PBRM1: variants seen among roughly 807,000 people sequenced by gnomAD.
PBRM1 encodes the protein polybromo 1, also known as protein polybromo-1.
A neutral mutation model predicts 194.5 loss-of-function variants in PBRM1; 27 were observed. The observed-to-expected ratio is 0.14, with a 90% confidence interval of 0.10 to 0.19. The LOEUF is 0.19. PBRM1 is among the 10% of genes least tolerant of loss of function. The pLI, the probability that PBRM1 is intolerant of heterozygous loss-of-function variation, is 1.00. For synonymous variants in PBRM1, 655 were observed against 693.2 expected, an observed-to-expected ratio of 0.94 and a Z score of 0.87; for missense variants, 1,466 against 2,077.2, an observed-to-expected ratio of 0.71 and a Z score of 5.72.
At chr3:52,634,298 G>A (rs555393409) in intron 11 of PBRM1, among the ~76,000 whole-genome samples, 3 of 152,048 alleles carry the variant, frequency 2.0e-5, no homozygotes, top group East Asian at 3.9e-4. Flanking sequence ...TTAACTGGGT[G>A]TGGTGGTGCG....
chr3:52,563,980 C>T, intron 23 of PBRM1, 70 bp downstream of exon 25: 2 of 929,818 alleles, frequency 2.2e-6, no homozygotes, highest in African/African-American at 1.7e-5. Flanking sequence ...AAATTAAAAA[C>T]ACTGGACTAC....
At chr3:52,658,850 G>A (rs2096660753) in intron 4 of PBRM1, among the ~76,000 whole-genome samples, 1 of 152,170 alleles carries the variant, frequency 6.6e-6, no homozygotes, top group Admixed American at 6.6e-5. Context: ...CCTTGTACTA[G>A]GTCCTTCTAC....
intron 22 of PBRM1, among the ~76,000 whole-genome samples, chr3:52,573,031 A>G (rs2087967193): frequency 6.6e-6 from 1 of 152,204 alleles, no homozygotes; most frequent in Admixed American, 6.5e-5. Context: ...GAAGTTACTT[A>G]TATTTCATTA....
upstream of PBRM1, among the ~76,000 whole-genome samples, chr3:52,683,320 G>A (rs2097245517): frequency 6.6e-6 from 1 of 151,598 alleles, no homozygotes; most frequent in South Asian, 2.1e-4. Context: ...GTTGCAGCAA[G>A]CCGAGATCAT....
intron 7 of PBRM1, 81 bp from the exon 9 acceptor site, chr3:52,644,870 C>T: frequency 1.6e-6 from 1 of 609,538 alleles, no homozygotes; most frequent in Admixed American, 2.4e-5. Context: ...CAATGGGCAC[C>T]TTCTATGGCA....
downstream of PBRM1, chr3:52,545,706 C>T (rs2079601809): frequency 4.3e-6 from 1 of 233,030 alleles, no homozygotes; most frequent in Admixed American, 5.6e-5. Flanking sequence ...CCTCAGTCCC[C>T]CCGTTTGCAA....
At chr3:52,598,696 C>A (rs1376905880) in intron 17 of PBRM1, among the ~76,000 whole-genome samples, 1 of 152,022 alleles carries the variant, frequency 6.6e-6, no homozygotes, top group African/African-American at 2.4e-5. Context: ...CCAGCCTGGG[C>A]AACACAGCAA....
chr3:52,552,298 T>G (rs2153402214), intron 27 of PBRM1, among the ~76,000 whole-genome samples: 1 of 152,284 alleles, frequency 6.6e-6, no homozygotes, highest in African/African-American at 2.4e-5. Context: ...TTCTGCTTCC[T>G]CTATTGACAA....
intron 1 of PBRM1, 93 bp from the exon 3 acceptor site, chr3:52,678,690 C>G: frequency 1.4e-6 from 1 of 718,098 alleles, no homozygotes; most frequent in Non-Finnish European, 2.4e-6. Context: ...CAATAAAAGG[C>G]AAGTAGAGAA....
chr3:52,628,281 C>T (rs2095507248), intron 12 of PBRM1, among the ~76,000 whole-genome samples: 1 of 150,940 alleles, frequency 6.6e-6, no homozygotes, highest in African/African-American at 2.4e-5. Context: ...AATTACTGTA[C>T]AGGGACCAAT....
At chr3:52,602,539 C>A (rs186762962) in intron 17 of PBRM1, among the ~76,000 whole-genome samples, 3 of 152,278 alleles carry the variant, frequency 2.0e-5, no homozygotes, top group Admixed American at 2.0e-4. Context: ...TTATCTCAGT[C>A]CTTTTATAGA....
rs142197601 is a variant in PBRM1 at position 52,609,327 on chromosome 3, T to G, written c.2553A>C (p.Ala851=). 1.8e-3 allele frequency: 2,912 copies of G among 1,612,842 alleles called. 12 individuals are homozygous for G. The highest frequency in any genetic ancestry group is 7.9e-3 in the Middle Eastern group (48 of 6,054). The change falls in exon 16 of 30, where the codon GCA becomes GCC. Residue 851 remains alanine (A), a synonymous_variant. Coordinates refer to ENST00000296302, the Ensembl canonical transcript of PBRM1. The surrounding 1 kb of genome is among the most constrained non-coding windows in gnomAD (Gnocchi z 4.1). ...TGAAAACATACCGATTCATCCTTCT[T>G]GCTCGTTCCAATACTTCAAACATAT...
chr3:52,669,731 A>G (rs2096910227), intron 2 of PBRM1, among the ~76,000 whole-genome samples: 1 of 152,186 alleles, frequency 6.6e-6, no homozygotes, highest in South Asian at 2.1e-4. Context: ...AGTTGCAAAA[A>G]TAGTACTTTT....
intron 2 of PBRM1, among the ~76,000 whole-genome samples, chr3:52,673,614 G>A (rs567257633): frequency 9.1e-4 from 131 of 144,520 alleles, no homozygotes; most frequent in Non-Finnish European, 1.7e-3. Context: ...GGAAGTTGCA[G>A]TGAGCCAAGA....
intron 14 of PBRM1, 52 bp downstream of exon 16, chr3:52,617,210 G>C: frequency 2.7e-6 from 4 of 1,491,910 alleles, no homozygotes; most frequent in Non-Finnish European, 3.7e-6. Flanking sequence ...TATTCTATAA[G>C]TACCCCTCTC....
At chr3:52,676,953 T>C (rs2097119735) in intron 2 of PBRM1, among the ~76,000 whole-genome samples, 1 of 152,166 alleles carries the variant, frequency 6.6e-6, no homozygotes, top group Non-Finnish European at 1.5e-5. Flanking sequence ...AGAAAGATGA[T>C]TTAGGGTATC....
At chr3:52,646,812 A>G (rs1297601777) in intron 7 of PBRM1, among the ~76,000 whole-genome samples, 2 of 152,218 alleles carry the variant, frequency 1.3e-5, no homozygotes, top group East Asian at 3.8e-4. Flanking sequence ...AACTTCTTAC[A>G]AGAAAACATA....
At chr3:52,585,042 C>T (rs576919032) in intron 20 of PBRM1, among the ~76,000 whole-genome samples, 1 of 152,302 alleles carries the variant, frequency 6.6e-6, no homozygotes, top group East Asian at 1.9e-4. Context: ...ATTTAAAGAT[C>T]TCCCTAACTT....
chr3:52,553,629 A>G (rs1342476288), intron 27 of PBRM1, among the ~76,000 whole-genome samples: 1 of 150,240 alleles, frequency 6.7e-6, no homozygotes, highest in Non-Finnish European at 1.5e-5. Context: ...AGCTGGGACT[A>G]CAGGCACATG....
Sources: allele counts gnomAD v4.1 joint callset (sites outside exome capture counted in the v4.1 genomes callset), GRCh38; gene constraint gnomAD v4.1.1; non-coding constraint Gnocchi (gnomAD v3.1); transcripts MANE v1.5; gene names NCBI Gene and HGNC (gene_info 2026-07-23, HGNC 2026-07-21).